GPR132: variants seen among roughly 807,000 people sequenced by gnomAD.
GPR132 encodes the protein G protein-coupled receptor 132, also known as probable G protein-coupled receptor 132.
Under a neutral mutation model 1.9 loss-of-function variants are expected in GPR132, and 4 were observed. The ratio of observed to expected loss-of-function variants is 2.13; its 90% confidence interval spans 1.05 to 4.87. GPR132 has a LOEUF of 4.87. GPR132 is among the 30% of genes most tolerant of loss of function. GPR132 has a pLI of 0.01. For missense variants in GPR132, 404 were observed against 512.5 expected (o/e 0.79, Z 2.04); for synonymous variants, 233 against 234.2 (o/e 0.99, Z 0.05).
rs950993697 is a variant in GPR132, at chr14:105,055,180, A to G, written c.34+207T>C. 2.0e-5 allele frequency among the ~76,000 whole-genome samples: 3 copies of G among 151,944 alleles called. No individual in the cohort carries two copies. The highest frequency in any genetic ancestry group is 2.1e-4 in the South Asian group (1 of 4,802). ...TCCCATCTCTATTAAAAATACAAAT[A>G]TTAGCCAGGCGTGGTGGGCACCTGT... On this transcript the variant is annotated intron_variant, in intron 3 of 3. Transcript: ENST00000329797. The surrounding 1 kb of genome is among the most constrained non-coding windows in gnomAD (Gnocchi z 4.7).
rs1886590709 is a variant in GPR132 at position 105,050,077 on chromosome 14, G to A, written c.*917C>T. On this transcript the variant is annotated 3_prime_UTR_variant, in exon 4 of 4. Coordinates refer to ENST00000329797, the MANE Select transcript of GPR132 (RefSeq NM_013345.4). The surrounding 1 kb of genome is among the most constrained non-coding windows in gnomAD (Gnocchi z 4.0). ...CCCATTTTACAGATAGGGAAACCAG[G>A]GCATCAGTGTGACCTGGTCTAGGCA... 1 of 152,360 alleles carries A rather than the reference G, an allele frequency of 6.6e-6. No homozygotes were observed. Among genetic ancestry groups the A allele is most frequent in the Admixed American group, 6.5e-5 (1 of 15,278 alleles). The allele number at this position is 152,360 out of a possible 1,614,324, so 9.4% of individuals were successfully genotyped here. A position where few individuals can be genotyped will look rare whatever the true frequency, so the allele number is the denominator to read the frequency against.
Position 105,051,084 on chromosome 14 carries a change from C to T in GPR132, c.1053G>A (p.Val351=). ...AGAAGGTGTAGTGGTCTGCAAGGGC[C>T]ACGGGCGACTGCAGCTCCTCGGTGT... ...SRDTEELQSP[V]ALADHYTFSR... Residue 351 remains valine, a synonymous_variant, in exon 4 of 4, where the codon GTG becomes GTA. Coordinates refer to ENST00000329797, the MANE Select transcript of GPR132 (RefSeq NM_013345.4). The surrounding 1 kb of genome is among the most constrained non-coding windows in gnomAD (Gnocchi z 8.0). 8.1e-6 allele frequency: 13 copies of T among 1,614,170 alleles called. No homozygotes were observed. The highest frequency in any genetic ancestry group is 1.1e-5 in the Non-Finnish European group (13 of 1,180,010).
In GPR132 at chr14:105,056,574, C is replaced by A. The variant is rs567415458; in HGVS notation, c.-746-408G>T. Among the ~76,000 whole-genome samples, 12 of 152,224 alleles carry A rather than the reference C, an allele frequency of 7.9e-5. No individual in the cohort carries two copies. The highest frequency in any genetic ancestry group is 1.3e-4 in the Non-Finnish European group (9 of 68,030). ...CCTCCCCGACTTCCTACGGCTCCCC[C>A]ACCCCACACATCGTCGCCCGTGCGG... On this transcript the variant is annotated intron_variant, in intron 2 of 3. Transcript: ENST00000329797. The surrounding 1 kb of genome is among the most constrained non-coding windows in gnomAD (Gnocchi z 6.0).
At chr14:105,062,949 C>G (rs763564996) in intron 1 of GPR132, among the ~76,000 whole-genome samples, 113 of 151,704 alleles carry the variant, frequency 7.4e-4, no homozygotes, top group Non-Finnish European at 1.5e-3. Context: ...TATTTGGAGA[C>G]AGGGTCTTGC....
chr14:105,052,017 C>G lies in GPR132; in HGVS notation c.120G>C (p.Glu40Asp), dbSNP rs202244827. The G allele has an allele frequency of 7.0e-5, 113 of 1,611,268 alleles. 1 individual carries two copies. The Admixed American group carries it at 7.5e-4, about 11-fold the overall frequency. ...AKTCNNVSFE[E>D]SRIVLVVVYS... ...ACACCACGACCAGGACTATCCTGCTCTCTTCGAAGGACACGTTGTTGCAGG... is the reference window on the plus strand; with the variant it reads ...ACACCACGACCAGGACTATCCTGCTGTCTTCGAAGGACACGTTGTTGCAGG... The change falls in exon 4 of 4, where the codon GAG becomes GAC. Residue 40 changes from glutamate (E) to aspartate (D), a missense_variant. Coordinates refer to ENST00000329797, the MANE Select transcript of GPR132 (RefSeq NM_013345.4).
intron 3 of GPR132, chr14:105,054,168 G>T (rs1255635393): frequency 7.9e-7 from 1 of 1,266,528 alleles, no homozygotes; most frequent in African/African-American, 1.5e-5. Flanking sequence ...CTCAGCACCT[G>T]ACGGACGGAC....
Position 105,056,220 on chromosome 14 carries a change from C to T in GPR132, c.-746-54G>A. On this transcript the variant is annotated intron_variant, in intron 2 of 3. Transcript: ENST00000329797. This position sits in a 1 kb window ranked among gnomAD's most constrained non-coding sequence, Gnocchi z 6.0. ...TGGGCTGCCTCACACTCAGTTGTCA[C>T]CACTTCGCCCAAGACACAGGCCTGT... is the stretch of plus-strand genomic sequence containing the variant. The T allele has an allele frequency of 1.0e-6, 1 of 967,130 alleles. No individual in the cohort carries two copies. Among genetic ancestry groups the T allele is most frequent in the East Asian group, 1.1e-4 (1 of 8,708 alleles). 59.9% of individuals were successfully genotyped at this position (967,130 alleles called of 1,614,324 possible).
At chr14:105,058,341 CAG>C (rs141961461) in intron 1 of GPR132, among the ~76,000 whole-genome samples, 1,568 of 152,244 alleles carry the variant, frequency 0.01, 30 homozygotes, top group African/African-American at 0.036. Context: ...GGCCTGGCTA[CAG>C]AGAGAGACCC....
At chr14:105,057,681 C>T (rs1187478858) in intron 1 of GPR132, among the ~76,000 whole-genome samples, 1 of 150,192 alleles carries the variant, frequency 6.7e-6, no homozygotes, top group African/African-American at 2.5e-5. Context: ...CCACCACCCC[C>T]AGCTAATTTT....
rs184455058 is a variant in GPR132 at position 105,055,147 on chromosome 14, T to G, written c.34+240A>C. 6.6e-6 allele frequency among the ~76,000 whole-genome samples: 1 copy of G among 151,200 alleles called. No homozygotes were observed. Among genetic ancestry groups the G allele is most frequent in the Admixed American group, 6.6e-5 (1 of 15,180 alleles). The stretch of plus-strand genomic sequence containing the variant: ...GAGTTCCAGACCAGCCTGACCAACA[T>G]GGTGAAATCCCATCTCTATTAAAAA... On this transcript the variant is annotated intron_variant, in intron 3 of 3. Transcript: ENST00000329797. The surrounding 1 kb of genome is among the most constrained non-coding windows in gnomAD (Gnocchi z 4.7).
At chr14:105,063,415 C>CCTGAGTTTCT (rs1479331347) in intron 1 of GPR132, among the ~76,000 whole-genome samples, 2 of 151,662 alleles carry the variant, frequency 1.3e-5, no homozygotes, top group Non-Finnish European at 2.9e-5. Context: ...TCTCTCGTTG[C>CCTGAGTTTCT]CCAGGCTGGA....
rs1372541528 is a variant in GPR132, at chr14:105,050,489, G to A, written c.*505C>T. 1.2e-5 allele frequency: 2 copies of A among 161,318 alleles called. No individual in the cohort carries two copies. Among genetic ancestry groups the A allele is most frequent in the Non-Finnish European group, 2.7e-5 (2 of 73,138 alleles). The allele number at this position is 161,318 out of a possible 1,614,324, so 10.0% of individuals were successfully genotyped here. A position where few individuals can be genotyped will look rare whatever the true frequency, so the allele number is the denominator to read the frequency against. Reference sequence around the variant, plus strand: ...GGCGCCTGCCCCCTTGGAGGTGGTAGGCTGCCCTATGCCCTCCTGGGCGCT... The same window carrying A: ...GGCGCCTGCCCCCTTGGAGGTGGTAAGCTGCCCTATGCCCTCCTGGGCGCT... On this transcript the variant is annotated 3_prime_UTR_variant, in exon 4 of 4. Transcript: ENST00000329797. This position sits in a 1 kb window ranked among gnomAD's most constrained non-coding sequence, Gnocchi z 4.0.
rs983899217 is a variant in GPR132 at position 105,060,251 on chromosome 14, C to A, written c.-860-2971G>T. On this transcript the variant is annotated intron_variant, in intron 1 of 3. Transcript: ENST00000329797. This position sits in a 1 kb window ranked among gnomAD's most constrained non-coding sequence, Gnocchi z 6.3. ...CAGCTCCAAGGCCCAGCAAGAGATG[C>A]AGGGCTCTCTGGCCATGCCCAAAAC... Among the ~76,000 whole-genome samples the A allele has an allele frequency of 7.2e-5, 11 of 152,226 alleles. No homozygotes were observed. The highest frequency in any genetic ancestry group is 2.4e-4 in the African/African-American group (10 of 41,464).
At position 105,060,101 on chromosome 14, in the gene GPR132, G is replaced by A. The variant is rs1011062425; in HGVS notation, c.-860-2821C>T. On this transcript the variant is annotated intron_variant, in intron 1 of 3. Coordinates refer to ENST00000329797, the MANE Select transcript of GPR132 (RefSeq NM_013345.4). This position sits in a 1 kb window ranked among gnomAD's most constrained non-coding sequence, Gnocchi z 6.3. ...CCTGCATCTCGGGCCAGCCCCCTGA[G>A]TGGAGATGGTGGGGCAGCGCTGAGG... Among the ~76,000 whole-genome samples, 14 of 152,232 alleles carry A rather than the reference G, an allele frequency of 9.2e-5. No individual in the cohort carries two copies. The highest frequency in any genetic ancestry group is 1.8e-4 in the Non-Finnish European group (12 of 68,032).
In GPR132 at chr14:105,053,311, T is replaced by A. The variant is rs957105132; in HGVS notation, c.35-1209A>T. ...GAGTAGCTGGCATTACAGGCATGCG[T>A]CACCACACCCAGCTAATTTTGTATT... On this transcript the variant is annotated intron_variant, in intron 3 of 3. Coordinates refer to ENST00000329797, the MANE Select transcript of GPR132 (RefSeq NM_013345.4). Among the ~76,000 whole-genome samples, 30 of 152,042 alleles carry A rather than the reference T, an allele frequency of 2.0e-4. 1 individual carries two copies. Among genetic ancestry groups the A allele is most frequent in the East Asian group, 1.8e-3 (9 of 5,140 alleles).
Position 105,050,777 on chromosome 14 carries a change from A to C in GPR132, c.*217T>G. 1.7e-6 allele frequency: 1 copy of C among 572,254 alleles called. No individual in the cohort carries two copies. Among genetic ancestry groups the C allele is most frequent in the Non-Finnish European group, 3.1e-6 (1 of 321,948 alleles). 35.4% of individuals were successfully genotyped at this position (572,254 alleles called of 1,614,324 possible). A position where few individuals can be genotyped will look rare whatever the true frequency, so the allele number is the denominator to read the frequency against. ...GCCACATGCTCTCTGGGCTCCCGGA[A>C]GCCTGGAGGTGTCGCTCCTCCCCTT... On this transcript the variant is annotated 3_prime_UTR_variant, in exon 4 of 4. Transcript: ENST00000329797. The surrounding 1 kb of genome is among the most constrained non-coding windows in gnomAD (Gnocchi z 4.0).
rs1886879138 is a variant in GPR132 at position 105,059,256 on chromosome 14, C to T, written c.-860-1976G>A. On this transcript the variant is annotated intron_variant, in intron 1 of 3. Transcript: ENST00000329797. This position sits in a 1 kb window ranked among gnomAD's most constrained non-coding sequence, Gnocchi z 4.2. ...CCCTGGAGCCACTTGCTCTTCCCGC[C>T]CATCCCACGTGGCTCTTGCAGGAAT... Among the ~76,000 whole-genome samples, 1 of 152,338 alleles carries T rather than the reference C, an allele frequency of 6.6e-6. No individual in the cohort carries two copies. The highest frequency in any genetic ancestry group is 1.9e-4 in the East Asian group (1 of 5,174).
chr14:105,050,960 C>G lies in GPR132; in HGVS notation c.*34G>C. On this transcript the variant is annotated 3_prime_UTR_variant, in exon 4 of 4. Coordinates refer to ENST00000329797, the MANE Select transcript of GPR132 (RefSeq NM_013345.4). This position sits in a 1 kb window ranked among gnomAD's most constrained non-coding sequence, Gnocchi z 4.0. ...GGAACCACATTGCTGGCCCCAGGAC[C>G]CCCAACCTGCCATCCCCCTGCCACA... The G allele has an allele frequency of 6.3e-7, 1 of 1,593,100 alleles. No homozygotes were observed. The highest frequency in any genetic ancestry group is 8.6e-7 in the Non-Finnish European group (1 of 1,164,446).
At position 105,059,117 on chromosome 14, in the gene GPR132, C is replaced by T. The variant is rs1280333980; in HGVS notation, c.-860-1837G>A. On this transcript the variant is annotated intron_variant, in intron 1 of 3. Coordinates refer to ENST00000329797, the MANE Select transcript of GPR132 (RefSeq NM_013345.4). This position sits in a 1 kb window ranked among gnomAD's most constrained non-coding sequence, Gnocchi z 4.2. ...GAAGCCAGCAGGTGCAGTCAGTCTC[C>T]CAGTGCACACTCCCCTCCCAGGGCA... Among the ~76,000 whole-genome samples, 1 of 152,210 alleles carries T rather than the reference C, an allele frequency of 6.6e-6. No individual in the cohort carries two copies. Among genetic ancestry groups the T allele is most frequent in the Non-Finnish European group, 1.5e-5 (1 of 68,020 alleles).
Sources: gnomAD v4.1 joint callset for allele counts (sites outside exome capture counted in the v4.1 genomes callset) on GRCh38, gnomAD v4.1.1 for gene constraint, Gnocchi (gnomAD v3.1) non-coding constraint, MANE v1.5 for transcripts, NCBI Gene and HGNC (gene_info 2026-07-23, HGNC 2026-07-21) for gene names.